TMEM106A: variants seen among roughly 807,000 people sequenced by gnomAD.
TMEM106A encodes transmembrane protein 106A.
Under a neutral mutation model 25.1 loss-of-function variants are expected in TMEM106A, and 22 were observed. The ratio of observed to expected loss-of-function variants is 0.88; its 90% confidence interval spans 0.63 to 1.25. TMEM106A has a LOEUF of 1.25. Ranked by LOEUF, TMEM106A falls within the 50% of genes most tolerant of loss-of-function variation. The pLI is 0.00. For missense variants in TMEM106A, 275 were observed against 318.1 expected (o/e 0.86, Z 1.03); for synonymous variants, 104 against 129.9 (o/e 0.80, Z 1.35).
At chr17:43,215,736 C>A in intron 4 of TMEM106A, 52 bp from the exon 5 acceptor site, 1 of 1,604,982 alleles carries the variant, frequency 6.2e-7, no homozygotes, top group African/African-American at 1.3e-5. Context: ...TCCGAGTTTC[C>A]TTGGTGTTCA....
intron 8 of TMEM106A, 104 bp from the exon 9 acceptor site, chr17:43,217,577 G>A (rs2057498191): frequency 6.5e-7 from 1 of 1,536,684 alleles, no homozygotes; most frequent in Non-Finnish European, 8.7e-7. Flanking sequence ...CCAGAGGGAA[G>A]GGCAAATGAG....
intron 4 of TMEM106A, 99 bp downstream of exon 4, chr17:43,213,990 G>C (rs2057460858): frequency 2.4e-6 from 3 of 1,273,020 alleles, no homozygotes. Flanking sequence ...CTTCCTATTA[G>C]TTCTTCCATA....
Position 43,217,762 on chromosome 17 carries a change from C to T in TMEM106A, c.750C>T (p.Asn250=), listed in dbSNP as rs1287510786. The T allele has an allele frequency of 1.2e-5, 20 of 1,614,056 alleles. No individual in the cohort carries two copies. The highest frequency in any genetic ancestry group is 3.3e-4 in the Middle Eastern group (2 of 6,084). ...ATGAATATGTGGACTGCCGAGGAAA[C>T]GCATCTGTGCCCCACCAGCTGACCC... ...QSYEYVDCRG[N]ASVPHQLTPH... Residue 250 remains asparagine, a synonymous_variant, in exon 9 of 9, where the codon AAC becomes AAT. Coordinates refer to ENST00000612339, the MANE Select transcript of TMEM106A (RefSeq NM_145041.4).
Position 43,217,868 on chromosome 17 carries a change from GACTAA to G in TMEM106A, c.*68_*72del. 6 of 1,604,042 alleles carry G rather than the reference GACTAA, an allele frequency of 3.7e-6. No homozygotes were observed. Among genetic ancestry groups the G allele is most frequent in the Non-Finnish European group, 5.1e-6 (6 of 1,174,682 alleles). ...TCTATATCTCCCACAACTCCCTGGT[GACTAA>G]GGAAGGACTACAGAGGCTTTGCCAA... is the stretch of plus-strand genomic sequence containing the variant. On this transcript the variant is annotated 3_prime_UTR_variant, in exon 9 of 9. Coordinates refer to ENST00000612339, the MANE Select transcript of TMEM106A (RefSeq NM_145041.4).
chr17:43,217,365 T>A, intron 8 of TMEM106A, 53 bp downstream of exon 8: 1 of 1,593,910 alleles, frequency 6.3e-7, no homozygotes, highest in Non-Finnish European at 8.6e-7. Context: ...GACTTCATTC[T>A]CACTCAGCTA....
Position 43,218,042 on chromosome 17 carries a change from G to A in TMEM106A, c.*241G>A. On this transcript the variant is annotated 3_prime_UTR_variant, in exon 9 of 9. Transcript: ENST00000612339. The stretch of plus-strand genomic sequence containing the variant: ...GGGGCTGCCATCAGATTCTGCCCTT[G>A]GTTAGTTTTTTGTTTTTTTTTTGGT... The A allele has an allele frequency of 1.8e-6, 1 of 544,864 alleles. No homozygotes were observed. Among genetic ancestry groups the A allele is most frequent in the South Asian group, 2.4e-5 (1 of 41,018 alleles). 33.8% of individuals were successfully genotyped at this position (544,864 alleles called of 1,614,324 possible).
intron 4 of TMEM106A, among the ~76,000 whole-genome samples, chr17:43,214,188 C>CAAAAAAAAAAAAAAA (rs1171744040): frequency 3.9e-5 from 2 of 50,922 alleles, no homozygotes; most frequent in Admixed American, 2.3e-4. Context: ...CCATCTCTAT[C>CAAAAAAAAAAAAAAA]AAAAAAAAAA....
rs1348508801 is a variant in TMEM106A, at chr17:43,215,941, G to A, written c.429G>A (p.Thr143=). 9.9e-6 allele frequency: 16 copies of A among 1,613,916 alleles called. No homozygotes were observed. Among genetic ancestry groups the A allele is most frequent in the East Asian group, 2.2e-5 (1 of 44,874 alleles). The change falls in exon 5 of 9, where the codon ACG becomes ACA. Residue 143 remains threonine, a splice_region_variant and synonymous_variant. Transcript: ENST00000612339. ...FDEADIYLNI[T]NILNISNGNY... ...AGGCTGATATCTACCTCAACATAAC[G>A]GTGGGTGGGTGCCCTTGGCTCCAAA...
At chr17:43,214,043 A>AT (rs958659632) in intron 4 of TMEM106A, 152 bp downstream of exon 4, 4 of 765,740 alleles carry the variant, frequency 5.2e-6, no homozygotes, top group South Asian at 1.9e-5. Context: ...ACGTCCAAGG[A>AT]TTTTTTCCTG....
intron 7 of TMEM106A, 147 bp from the exon 8 acceptor site, chr17:43,217,112 G>A (rs1286017667): frequency 8.6e-6 from 7 of 809,402 alleles, no homozygotes; most frequent in Non-Finnish European, 1.5e-5. Flanking sequence ...CTGAAGGGTG[G>A]GAAGGGGTGG....
intron 2 of TMEM106A, 45 bp from the exon 3 acceptor site, chr17:43,212,976 C>A: frequency 6.7e-7 from 1 of 1,500,758 alleles, no homozygotes; most frequent in South Asian, 1.1e-5. Flanking sequence ...CATCTGGCGT[C>A]AGTGCTAACA....
At chr17:43,212,923 G>A in intron 2 of TMEM106A, 98 bp from the exon 3 acceptor site, 1 of 861,724 alleles carries the variant, frequency 1.2e-6, no homozygotes, top group Non-Finnish European at 1.8e-6. Context: ...CTTAAACTGT[G>A]GTGAAGCTCC....
At position 43,218,070 on chromosome 17, in the gene TMEM106A, A is replaced by T. The variant is rs2057503834; in HGVS notation, c.*269A>T. ...TAGTTTTTTGTTTTTTTTTTGGTAG[A>T]GACAGAGTCTCACTGTTGGTCCAGG... On this transcript the variant is annotated 3_prime_UTR_variant, in exon 9 of 9. Coordinates refer to ENST00000612339, the MANE Select transcript of TMEM106A (RefSeq NM_145041.4). 3 of 403,478 alleles carry T rather than the reference A, an allele frequency of 7.4e-6. No individual in the cohort carries two copies. The South Asian group carries it at 8.3e-5, about 11-fold the overall frequency. 25.0% of individuals were successfully genotyped at this position (403,478 alleles called of 1,614,324 possible). A position where few individuals can be genotyped will look rare whatever the true frequency, so the allele number is the denominator to read the frequency against.
rs758505331 is a variant in TMEM106A at position 43,217,754 on chromosome 17, C to G, written c.742C>G (p.Arg248Gly). ...TCAGAGCTATGAATATGTGGACTGC[C>G]GAGGAAACGCATCTGTGCCCCACCA... The part of the protein sequence containing the change: ...VFQSYEYVDC[R>G]GNASVPHQLT... Residue 248 changes from arginine (R) to glycine (G), a missense_variant, in exon 9 of 9, where the codon CGA becomes GGA. Transcript: ENST00000612339. 6.2e-7 allele frequency: 1 copy of G among 1,614,088 alleles called. No homozygotes were observed. Among genetic ancestry groups the G allele is most frequent in the Non-Finnish European group, 8.5e-7 (1 of 1,180,020 alleles).
In TMEM106A at chr17:43,218,294, C is replaced by T. The variant is rs1332253449; in HGVS notation, c.*493C>T. On this transcript the variant is annotated 3_prime_UTR_variant, in exon 9 of 9. Coordinates refer to ENST00000612339, the MANE Select transcript of TMEM106A (RefSeq NM_145041.4). ...CCTGGTCAGTCTGAAGGGGGCATTTCACCCCAGCTCCATCAGGGCTGGCTG... is the reference window on the plus strand; with the variant it reads ...CCTGGTCAGTCTGAAGGGGGCATTTTACCCCAGCTCCATCAGGGCTGGCTG... The T allele has an allele frequency of 1.3e-5, 2 of 158,120 alleles. No individual in the cohort carries two copies. Among genetic ancestry groups the T allele is most frequent in the Non-Finnish European group, 2.8e-5 (2 of 72,018 alleles). The allele number at this position is 158,120 out of a possible 1,614,324, so 9.8% of individuals were successfully genotyped here.
At chr17:43,214,200 AAAAAAG>A (rs1364171900) in intron 4 of TMEM106A, among the ~76,000 whole-genome samples, 2,013 of 145,940 alleles carry the variant, frequency 0.014, 16 homozygotes, top group Non-Finnish European at 0.019. Flanking sequence ...AAAAAAAAAA[AAAAAAG>A]AAAAAAAAAA....
At chr17:43,213,356 G>A in intron 3 of TMEM106A, 104 bp downstream of exon 3, 1 of 1,221,308 alleles carries the variant, frequency 8.2e-7, no homozygotes, top group Non-Finnish European at 1.2e-6. Flanking sequence ...GGTTAGATCT[G>A]CTCCCAGCTC....
Position 43,219,841 on chromosome 17 carries a change from A to G in TMEM106A, c.*2040A>G, listed in dbSNP as rs906791528. On this transcript the variant is annotated 3_prime_UTR_variant, in exon 9 of 9. Coordinates refer to ENST00000612339, the MANE Select transcript of TMEM106A (RefSeq NM_145041.4). ...GAAGTAGGATGCATGGAGAGGGAGA[A>G]GTGGTGACAGAACTTGGTAACTAGC... 6.6e-6 allele frequency: 1 copy of G among 152,182 alleles called. No homozygotes were observed. Among genetic ancestry groups the G allele is most frequent in the Non-Finnish European group, 1.5e-5 (1 of 68,088 alleles). 9.4% of individuals were successfully genotyped at this position (152,182 alleles called of 1,614,324 possible).
chr17:43,216,791 C>G, intron 7 of TMEM106A, 51 bp downstream of exon 7: 1 of 1,607,764 alleles, frequency 6.2e-7, no homozygotes, highest in Non-Finnish European at 8.5e-7. Context: ...GGCTTAGGGA[C>G]CCAATTAATA....
Sources: gnomAD v4.1 joint callset for allele counts (sites outside exome capture counted in the v4.1 genomes callset) on GRCh38, gnomAD v4.1.1 for gene constraint, MANE v1.5 for transcripts, NCBI Gene and HGNC (gene_info 2026-07-23, HGNC 2026-07-21) for gene names.